AFG3L2: variants seen among roughly 807,000 people sequenced by gnomAD.
AFG3L2 encodes the protein mitochondrial inner membrane m-AAA protease component AFG3L2.
AFG3L2 carries 54 observed loss-of-function variants against 94.5 expected under a neutral mutation model. The observed-to-expected ratio is 0.57, with a 90% CI of 0.46 to 0.72. The LOEUF (loss-of-function observed/expected upper bound fraction) is 0.72. Among genes scored for constraint, AFG3L2 ranks in the 30% least tolerant of loss-of-function variants. The pLI is 0.00. For missense variants in AFG3L2, 754 were observed against 994.9 expected, an observed-to-expected ratio of 0.76 and a Z score of 3.26; for synonymous variants, 377 against 365.5, an observed-to-expected ratio of 1.03 and a Z score of -0.36.
At chr18:12,355,815 C>A (rs1908476182) in intron 9 of AFG3L2, among the ~76,000 whole-genome samples, 2 of 151,826 alleles carry the variant, frequency 1.3e-5, no homozygotes, top group African/African-American at 2.4e-5. Context: ...ACTACAGGCG[C>A]CCGCCACCAC....
intron 15 of AFG3L2, among the ~76,000 whole-genome samples, chr18:12,338,642 C>T (rs578179168): frequency 6.6e-6 from 1 of 152,198 alleles, no homozygotes; most frequent in South Asian, 2.1e-4. Flanking sequence ...GACCTCCTCC[C>T]ACCTAAGAGA....
chr18:12,332,602 A>G (rs1907569120), intron 16 of AFG3L2, among the ~76,000 whole-genome samples: 1 of 151,722 alleles, frequency 6.6e-6, no homozygotes, highest in African/African-American at 2.4e-5. Flanking sequence ...TGATCAATTT[A>G]GAAACATTCT....
chr18:12,333,364 A>ATATAATTATATATATTTT (rs1907645267), intron 16 of AFG3L2, among the ~76,000 whole-genome samples: 1 of 130,216 alleles, frequency 7.7e-6, no homozygotes, highest in African/African-American at 2.9e-5. Context: ...ATATATATAT[A>ATATAATTATATATATTTT]TTTTTTCCCC....
intron 13 of AFG3L2, among the ~76,000 whole-genome samples, chr18:12,347,977 C>T (rs1161911079): frequency 1.3e-5 from 2 of 152,204 alleles, no homozygotes; most frequent in Non-Finnish European, 2.9e-5. Context: ...CATGGGTAGA[C>T]ACCTCGCTGC....
chr18:12,364,125 T>C (rs1215786355), intron 5 of AFG3L2, among the ~76,000 whole-genome samples: 1 of 152,218 alleles, frequency 6.6e-6, no homozygotes, highest in Non-Finnish European at 1.5e-5. Flanking sequence ...CTACACGATA[T>C]GCACATTCCC....
intron 1 of AFG3L2, among the ~76,000 whole-genome samples, chr18:12,375,230 C>T (rs1909110476): frequency 6.7e-6 from 1 of 149,818 alleles, no homozygotes. Flanking sequence ...TGAATGCAGG[C>T]ACTATTATTC....
intron 1 of AFG3L2, among the ~76,000 whole-genome samples, chr18:12,373,594 T>C (rs1909055963): frequency 6.6e-6 from 1 of 152,158 alleles, no homozygotes; most frequent in South Asian, 2.1e-4. Context: ...TGCCTGAAGC[T>C]GGGTAATTTA....
intron 1 of AFG3L2, among the ~76,000 whole-genome samples, chr18:12,376,697 G>A (rs576285646): frequency 3.9e-5 from 6 of 152,264 alleles, no homozygotes; most frequent in Non-Finnish European, 7.3e-5. Flanking sequence ...AAGCCAACAT[G>A]ACCTTCGAGG....
chr18:12,332,988 T>TAA (rs1907600817), intron 16 of AFG3L2, among the ~76,000 whole-genome samples: 1 of 115,714 alleles, frequency 8.6e-6, no homozygotes, highest in African/African-American at 3.3e-5. Context: ...TATAAATATA[T>TAA]TATATAAATT....
rs765789778 is a variant in AFG3L2 at position 12,329,609 on chromosome 18, C to T, written c.2350G>A (p.Glu784Lys). ...EGLKDWNKER[E>K]KEKEEPPGEK... Reference sequence around the variant, plus strand: ...CCCGGGGGCTCCTCTTTCTCCTTTTCCCGCTCCTTGTTCCAGTCCTTAAGG... The same window carrying T: ...CCCGGGGGCTCCTCTTTCTCCTTTTTCCGCTCCTTGTTCCAGTCCTTAAGG... Residue 784 changes from glutamate to lysine, a missense_variant, in exon 17 of 17, where the codon GAA (glutamate) becomes AAA (lysine). Glu to Lys is a moderately conservative substitution (Grantham distance 56). Coordinates refer to ENST00000269143, the MANE Select transcript of AFG3L2 (RefSeq NM_006796.3). The T allele has an allele frequency of 4.3e-6, 7 of 1,614,042 alleles. No individual in the cohort carries two copies. Among genetic ancestry groups the T allele is most frequent in the Admixed American group, 1.7e-5 (1 of 59,996 alleles).
Position 12,377,226 on chromosome 18 carries a change from T to C in AFG3L2, c.-144A>G. On this transcript the variant is annotated 5_prime_UTR_variant, in exon 1 of 17. Coordinates refer to ENST00000269143, the MANE Select transcript of AFG3L2 (RefSeq NM_006796.3). ...GCGGCTCACGGAGGAGCCCAAGCTCTCAACGCGGCGTCTCCTGCCGCCAGC... is the reference window on the plus strand; with the variant it reads ...GCGGCTCACGGAGGAGCCCAAGCTCCCAACGCGGCGTCTCCTGCCGCCAGC... The C allele has an allele frequency of 3.0e-6, 2 of 657,432 alleles. No individual in the cohort carries two copies. Among genetic ancestry groups the C allele is most frequent in the Non-Finnish European group, 5.1e-6 (2 of 393,602 alleles). The allele number at this position is 657,432 out of a possible 1,614,324, so 40.7% of individuals were successfully genotyped here.
At chr18:12,353,892 G>A (rs1309925683) in intron 9 of AFG3L2, among the ~76,000 whole-genome samples, 1 of 152,134 alleles carries the variant, frequency 6.6e-6, no homozygotes, top group African/African-American at 2.4e-5. Flanking sequence ...AGGCTACTAA[G>A]GAGTCTATGC....
intron 12 of AFG3L2, among the ~76,000 whole-genome samples, chr18:12,350,108 T>G (rs776281600): frequency 6.6e-6 from 1 of 152,010 alleles, no homozygotes; most frequent in African/African-American, 2.4e-5. Context: ...CCTCCTGGGT[T>G]CAAGCCATTC....
chr18:12,364,331 A>T (rs1391849694), intron 5 of AFG3L2, among the ~76,000 whole-genome samples: 1 of 152,204 alleles, frequency 6.6e-6, no homozygotes, highest in East Asian at 1.9e-4. Flanking sequence ...CCTGTTACAC[A>T]TTTCTCACAA....
chr18:12,369,100 C>A (rs987091396), intron 3 of AFG3L2, among the ~76,000 whole-genome samples: 1 of 152,086 alleles, frequency 6.6e-6, no homozygotes, highest in African/African-American at 2.4e-5. Context: ...TATGCACAAG[C>A]CTCAGCCCCC....
chr18:12,340,247 C>T lies in AFG3L2; in HGVS notation c.1934G>A (p.Gly645Asp). 6.2e-7 allele frequency: 1 copy of T among 1,614,128 alleles called. No individual in the cohort carries two copies. ...TACTTTTCTCAAGTCATCTTGAGCA[C>T]CAGTTGTAATTCTTCCAAAGAAGAT... ...EEIFFGRITTGAQDDLRKVTQ... is the reference protein window; with the variant it reads ...EEIFFGRITTDAQDDLRKVTQ... Residue 645 changes from glycine (G) to aspartate (D), a missense_variant, in exon 15 of 17, where the codon GGT becomes GAT. Gly to Asp is a moderately conservative substitution (Grantham distance 94). Transcript: ENST00000269143.
Position 12,348,379 on chromosome 18 carries a change from A to G in AFG3L2, c.1557T>C (p.Ala519=), listed in dbSNP as rs746937115. 1.9e-6 allele frequency: 3 copies of G among 1,613,828 alleles called. No homozygotes were observed. The highest frequency in any genetic ancestry group is 1.3e-5 in the African/African-American group (1 of 74,936). The change falls in exon 13 of 17, where the codon GCT becomes GCC. Residue 519 remains alanine, a synonymous_variant. Transcript: ENST00000269143. ...CTTCATTACAGACATTAGCAACATC[A>G]GCACCTAAAAAATGAACACAGAACA... ...LASLTPGFSG[A]DVANVCNEAA...
Position 12,355,227 on chromosome 18 carries a change from C to T in AFG3L2, c.1164+1467G>A, listed in dbSNP as rs151092404. ...AAAAATTAAAAAAAAAAAAAAAGAA[C>T]TCTTACAATTCAACAACCAAAAAAA... On this transcript the variant is annotated intron_variant, in intron 9 of 16. Coordinates refer to ENST00000269143, the MANE Select transcript of AFG3L2 (RefSeq NM_006796.3). Among the ~76,000 whole-genome samples, 1,211 of 149,982 alleles carry T rather than the reference C, an allele frequency of 8.1e-3. 19 individuals carry two copies. The highest frequency in any genetic ancestry group is 0.027 in the African/African-American group (1,115 of 40,890).
chr18:12,337,643 CCAGCAG>C (rs376213367), intron 15 of AFG3L2, 108 bp from the exon 16 acceptor site: 19 of 953,596 alleles, frequency 2.0e-5, no homozygotes, highest in African/African-American at 1.6e-4. Context: ...CTCTGTGTAG[CCAGCAG>C]CAGCAGCAGC....
Sources: gnomAD v4.1 joint callset for allele counts (sites outside exome capture counted in the v4.1 genomes callset) on GRCh38, gnomAD v4.1.1 for gene constraint, MANE v1.5 for transcripts, NCBI Gene and HGNC (gene_info 2026-07-23, HGNC 2026-07-21) for gene names.